YTHDF3: variants seen among roughly 807,000 people sequenced by gnomAD.
The protein encoded by YTHDF3 is YTH N6-methyladenosine RNA binding protein F3.
Under a neutral mutation model 52.5 loss-of-function variants are expected in YTHDF3, and 9 were observed. The observed-to-expected ratio is 0.17, with a 90% CI of 0.10 to 0.30. The LOEUF (loss-of-function observed/expected upper bound fraction) is 0.30, where lower values mean the gene tolerates loss of function less well. Among genes scored for constraint, YTHDF3 ranks in the 10% least tolerant of loss-of-function variants. YTHDF3 has a pLI of 1.00. For missense variants in YTHDF3, 534 were observed against 715.0 expected (o/e 0.75, Z 2.89); for synonymous variants, 274 against 243.3 (o/e 1.13, Z -1.18).
At chr8:63,183,595 T>C (rs1183517296) in intron 3 of YTHDF3, among the ~76,000 whole-genome samples, 1 of 152,230 alleles carries the variant, frequency 6.6e-6, no homozygotes, top group Admixed American at 6.5e-5. Flanking sequence ...GATGCTACTA[T>C]TGCAGTTGTA....
At chr8:63,206,137 G>T (rs756871636) in intron 4 of YTHDF3, among the ~76,000 whole-genome samples, 1 of 151,900 alleles carries the variant, frequency 6.6e-6, no homozygotes, top group Non-Finnish European at 1.5e-5. Context: ...GCAATGGCGC[G>T]ATCTTGGCTC....
chr8:63,201,497 C>T (rs950004063), intron 4 of YTHDF3, among the ~76,000 whole-genome samples: 6 of 152,230 alleles, frequency 3.9e-5, no homozygotes, highest in Non-Finnish European at 7.4e-5. Flanking sequence ...ATTGTACTTA[C>T]TGTTGGTCTC....
In YTHDF3 at chr8:63,186,877, C is replaced by T; in HGVS notation, c.866C>T (p.Pro289Leu). The change falls in exon 4 of 5, where the codon CCA (proline) becomes CTA (leucine). Residue 289 changes from proline (P) to leucine (L), a missense_variant. By Grantham distance (98) the Pro-to-Leu change is moderately conservative (BLOSUM62 -3). This residue lies in a region of YTHDF3 where 203 missense variants were observed against 201.3 expected (regional missense o/e 1.01). Transcript: ENST00000539294. ...WDEKGSVVKAPPTQPVLPPQT... is the reference protein window; with the variant it reads ...WDEKGSVVKALPTQPVLPPQT... ...GAAAAAGGGTCAGTGGTAAAGGCTCCACCAACCCAACCAGTTCTGCCTCCT... is the reference window on the plus strand; with the variant it reads ...GAAAAAGGGTCAGTGGTAAAGGCTCTACCAACCCAACCAGTTCTGCCTCCT... 6.2e-7 allele frequency: 1 copy of T among 1,613,982 alleles called. No homozygotes were observed.
At chr8:63,196,256 T>TAA (rs879565627) in intron 4 of YTHDF3, among the ~76,000 whole-genome samples, 7 of 135,070 alleles carry the variant, frequency 5.2e-5, no homozygotes, top group African/African-American at 5.5e-5. Flanking sequence ...GTCTGTCTCT[T>TAA]AAAAAAAAAA....
chr8:63,177,452 G>A (rs1321908842), intron 3 of YTHDF3, among the ~76,000 whole-genome samples: 1 of 152,198 alleles, frequency 6.6e-6, no homozygotes, highest in Non-Finnish European at 1.5e-5. Flanking sequence ...CATTTGTTGT[G>A]AAATGTAGTG....
chr8:63,168,766 G>C lies in YTHDF3; in HGVS notation c.-112G>C, dbSNP rs1305224548. The C allele has an allele frequency of 1.3e-6, 2 of 1,544,630 alleles. No homozygotes were observed. Among genetic ancestry groups the C allele is most frequent in the Non-Finnish European group, 1.7e-6 (2 of 1,143,512 alleles). On this transcript the variant is annotated 5_prime_UTR_variant, in exon 1 of 5. Transcript: ENST00000539294. ...TTTGGGTTCTCAGCGAACGGCGGCA[G>C]CGGCGGCGGCTGGAACAATCACTCG...
chr8:63,196,427 T>A (rs1809244131), intron 4 of YTHDF3, among the ~76,000 whole-genome samples: 1 of 151,750 alleles, frequency 6.6e-6, no homozygotes, highest in African/African-American at 2.4e-5. Flanking sequence ...CGAGGCGTGC[T>A]GACAGGCACT....
At chr8:63,174,899 A>G (rs1411622718) in intron 2 of YTHDF3, among the ~76,000 whole-genome samples, 2 of 152,190 alleles carry the variant, frequency 1.3e-5, no homozygotes, top group Non-Finnish European at 2.9e-5. Flanking sequence ...TCTTTATTAT[A>G]CTAAATAATT....
chr8:63,180,682 C>A (rs1808065840), intron 3 of YTHDF3, among the ~76,000 whole-genome samples: 1 of 152,120 alleles, frequency 6.6e-6, no homozygotes, highest in African/African-American at 2.4e-5. Context: ...AGCCTGGGCA[C>A]CATTGAGCAC....
chr8:63,169,868 C>G (rs1242247968), intron 2 of YTHDF3, among the ~76,000 whole-genome samples: 3 of 152,198 alleles, frequency 2.0e-5, no homozygotes, highest in Non-Finnish European at 4.4e-5. Context: ...CTATTGAAGT[C>G]AGTTGTAATG....
At chr8:63,191,253 G>A (rs1808894549) in intron 4 of YTHDF3, among the ~76,000 whole-genome samples, 1 of 152,050 alleles carries the variant, frequency 6.6e-6, no homozygotes, top group African/African-American at 2.4e-5. Flanking sequence ...TTGTCTGCAG[G>A]CCACTTTTTT....
At chr8:63,198,498 C>CTCAG (rs1332940682) in intron 4 of YTHDF3, among the ~76,000 whole-genome samples, 7 of 152,182 alleles carry the variant, frequency 4.6e-5, no homozygotes, top group Non-Finnish European at 1.0e-4. Context: ...AACTCCTGAC[C>CTCAG]TCAGGTCATC....
intron 4 of YTHDF3, among the ~76,000 whole-genome samples, chr8:63,208,042 C>T (rs545980034): frequency 6.6e-6 from 1 of 152,168 alleles, no homozygotes; most frequent in South Asian, 2.1e-4. Context: ...TCTTCTTTTG[C>T]TGATATGGTG....
intron 4 of YTHDF3, among the ~76,000 whole-genome samples, chr8:63,190,947 T>C (rs1183933941): frequency 6.6e-6 from 1 of 152,206 alleles, no homozygotes; most frequent in Non-Finnish European, 1.5e-5. Context: ...TTTAACTTAT[T>C]ATTTATTAGC....
intron 2 of YTHDF3, 63 bp downstream of exon 2, chr8:63,169,474 G>A: frequency 2.0e-6 from 3 of 1,508,362 alleles, no homozygotes; most frequent in Middle Eastern, 1.7e-4. Context: ...TTTAAACTCT[G>A]TGAGGGTATT....
chr8:63,171,134 T>C (rs1807297485), intron 2 of YTHDF3, among the ~76,000 whole-genome samples: 1 of 152,172 alleles, frequency 6.6e-6, no homozygotes, highest in South Asian at 2.1e-4. Flanking sequence ...CCCCTTGTTG[T>C]TCAGTTTAAT....
At chr8:63,201,117 A>G (rs895711337) in intron 4 of YTHDF3, among the ~76,000 whole-genome samples, 1 of 152,264 alleles carries the variant, frequency 6.6e-6, no homozygotes, top group Non-Finnish European at 1.5e-5. Context: ...TTTTTAAGCA[A>G]GGAAGTTACA....
In YTHDF3 at chr8:63,209,886, TCACCAAACA is replaced by T; in HGVS notation, c.*184_*192del. On this transcript the variant is annotated 3_prime_UTR_variant, in exon 5 of 5. Transcript: ENST00000539294. The stretch of plus-strand genomic sequence containing the variant: ...ATCAGCGCATCTGCCCTTATACTCT[TCACCAAACA>T]CACTTGAGAACTGTAACTTCGTCAA... 1.8e-6 allele frequency: 1 copy of T among 558,900 alleles called. No homozygotes were observed. Among genetic ancestry groups the T allele is most frequent in the South Asian group, 2.7e-5 (1 of 36,510 alleles). The allele number at this position is 558,900 out of a possible 1,614,324, so 34.6% of individuals were successfully genotyped here.
chr8:63,206,701 C>G (rs976887273), intron 4 of YTHDF3, among the ~76,000 whole-genome samples: 2 of 151,970 alleles, frequency 1.3e-5, no homozygotes, highest in African/African-American at 4.8e-5. Context: ...TTCGTGATAT[C>G]TAGACTTCAT....
Sources: allele counts gnomAD v4.1 joint callset (sites outside exome capture counted in the v4.1 genomes callset), GRCh38; gene constraint gnomAD v4.1.1; regional missense constraint gnomAD v4.1.1; transcripts MANE v1.5; gene names NCBI Gene and HGNC (gene_info 2026-07-23, HGNC 2026-07-21).